TBC1D22A: variants seen among roughly 807,000 people sequenced by gnomAD.
The protein encoded by TBC1D22A is TBC1 domain family member 22A.
Under a neutral mutation model 60.2 loss-of-function variants are expected in TBC1D22A, and 38 were observed. That is an observed-to-expected ratio of 0.63 (90% CI 0.49 to 0.83). The LOEUF (loss-of-function observed/expected upper bound fraction) is 0.83, where lower values mean the gene tolerates loss of function less well. Ranked by LOEUF, TBC1D22A falls within the 40% of genes least tolerant of loss-of-function variation. The probability of loss-of-function intolerance (pLI) is 0.00; values close to 1 mark genes in which losing one functional copy is unlikely to be tolerated. For synonymous variants in TBC1D22A, 302 were observed against 281.7 expected (o/e 1.07, Z -0.72); for missense variants, 628 against 701.0 (o/e 0.90, Z 1.18).
intron 1 of TBC1D22A, among the ~76,000 whole-genome samples, chr22:46,785,888 C>A (rs899595035): frequency 6.6e-6 from 1 of 152,224 alleles, no homozygotes; most frequent in Non-Finnish European, 1.5e-5. Context: ...TCAAGTGATT[C>A]TCCTGCTTCA....
At chr22:46,881,401 C>T (rs554350126) in intron 5 of TBC1D22A, among the ~76,000 whole-genome samples, 37 of 152,314 alleles carry the variant, frequency 2.4e-4, no homozygotes, top group African/African-American at 8.7e-4. Flanking sequence ...CTCTTGCCCC[C>T]TCCAACCCCG....
At chr22:46,861,656 A>G (rs1187151413) in intron 4 of TBC1D22A, among the ~76,000 whole-genome samples, 1 of 152,202 alleles carries the variant, frequency 6.6e-6, no homozygotes, top group Non-Finnish European at 1.5e-5. Flanking sequence ...CGCACCTCCC[A>G]GGAGGGGGAG....
At chr22:46,820,826 G>A (rs924572523) in intron 4 of TBC1D22A, among the ~76,000 whole-genome samples, 2 of 152,164 alleles carry the variant, frequency 1.3e-5, no homozygotes, top group African/African-American at 4.8e-5. Flanking sequence ...ATAGTGGGGT[G>A]TTAAAGTCTC....
intron 4 of TBC1D22A, among the ~76,000 whole-genome samples, chr22:46,833,239 C>T (rs1353310199): frequency 4.6e-5 from 7 of 152,192 alleles, no homozygotes; most frequent in Admixed American, 4.6e-4. Flanking sequence ...ACTAATGTGA[C>T]TTTTAACTTA....
intron 11 of TBC1D22A, 33 bp downstream of exon 11, chr22:47,037,231 G>C: frequency 1.2e-6 from 2 of 1,609,404 alleles, no homozygotes; most frequent in South Asian, 1.1e-5. Flanking sequence ...CGCCATGGGG[G>C]TGCCAGGAGC....
At chr22:46,771,808 T>G (rs2083489460) in intron 1 of TBC1D22A, among the ~76,000 whole-genome samples, 1 of 152,098 alleles carries the variant, frequency 6.6e-6, no homozygotes, top group Admixed American at 6.5e-5. Context: ...TTGGCCAGGC[T>G]GGTCTTGAAC....
chr22:47,044,874 T>C (rs140539), intron 11 of TBC1D22A, among the ~76,000 whole-genome samples: 105,346 of 152,142 alleles, frequency 0.69, 37,066 homozygotes, highest in East Asian at 0.92. Flanking sequence ...GTATCAATCA[T>C]GTTGCTTTTT....
intron 12 of TBC1D22A, among the ~76,000 whole-genome samples, chr22:47,121,949 C>T (rs1472113358): frequency 6.6e-6 from 1 of 152,146 alleles, no homozygotes; most frequent in Non-Finnish European, 1.5e-5. Context: ...GTGTCCCCAC[C>T]GCATCCAGCC....
chr22:47,137,027 C>T (rs1357399885), intron 12 of TBC1D22A, among the ~76,000 whole-genome samples: 2 of 152,092 alleles, frequency 1.3e-5, no homozygotes, highest in Non-Finnish European at 2.9e-5. Flanking sequence ...CTTCACTCGG[C>T]GCGGGCAAAG....
chr22:47,123,468 C>T (rs1247057034), intron 12 of TBC1D22A, among the ~76,000 whole-genome samples: 2 of 152,232 alleles, frequency 1.3e-5, no homozygotes, highest in African/African-American at 4.8e-5. Flanking sequence ...TCCTTTTGGG[C>T]CAGTCCATTG....
At chr22:46,821,775 T>G (rs1328981571) in intron 4 of TBC1D22A, among the ~76,000 whole-genome samples, 4 of 152,126 alleles carry the variant, frequency 2.6e-5, no homozygotes, top group Non-Finnish European at 5.9e-5. Context: ...AATTTACATG[T>G]TGGCCCGTCT....
chr22:46,857,460 A>G (rs1010240472), intron 4 of TBC1D22A, among the ~76,000 whole-genome samples: 3 of 152,160 alleles, frequency 2.0e-5, no homozygotes, highest in Non-Finnish European at 1.5e-5. Flanking sequence ...TGTCCTTAAA[A>G]CATCCTTATT....
chr22:47,060,391 A>G lies in TBC1D22A; in HGVS notation c.1329+23193A>G, dbSNP rs144612250. 4.3e-3 allele frequency among the ~76,000 whole-genome samples: 634 copies of G among 148,980 alleles called. 7 individuals are homozygous for G. Among genetic ancestry groups the G allele is most frequent in the African/African-American group, 0.015 (608 of 40,018 alleles). On this transcript the variant is annotated intron_variant, in intron 11 of 12. Coordinates refer to ENST00000337137, the MANE Select transcript of TBC1D22A (RefSeq NM_014346.5). ...CAAGTAGTTGGGATTACAGGCGCCC[A>G]CCACCATGCCCAGCTAATTCGTTGT...
intron 4 of TBC1D22A, among the ~76,000 whole-genome samples, chr22:46,863,656 T>C (rs2066915691): frequency 6.6e-6 from 1 of 152,152 alleles, no homozygotes; most frequent in Non-Finnish European, 1.5e-5. Flanking sequence ...GTTTTAAAAG[T>C]GTATTGGAAA....
intron 11 of TBC1D22A, among the ~76,000 whole-genome samples, chr22:47,095,900 T>C (rs1182900328): frequency 1.3e-5 from 2 of 152,236 alleles, no homozygotes; most frequent in African/African-American, 2.4e-5. Context: ...AGGGCTGGGC[T>C]GGAGGCTGGC....
chr22:46,789,420 C>T (rs537698531), intron 1 of TBC1D22A: 1 of 448,710 alleles, frequency 2.2e-6, no homozygotes, highest in South Asian at 1.7e-5. Context: ...GTGACATGCT[C>T]TTGTAGGAAT....
intron 9 of TBC1D22A, among the ~76,000 whole-genome samples, chr22:46,994,969 G>T (rs1371819266): frequency 6.6e-6 from 1 of 152,218 alleles, no homozygotes; most frequent in African/African-American, 2.4e-5. Context: ...ATATACGAAA[G>T]CTCACAATTT....
At chr22:46,844,695 C>T (rs1189330434) in intron 4 of TBC1D22A, among the ~76,000 whole-genome samples, 1 of 152,196 alleles carries the variant, frequency 6.6e-6, no homozygotes, top group Non-Finnish European at 1.5e-5. Flanking sequence ...CCCGTGGGGT[C>T]TGGAGCAGTC....
intron 10 of TBC1D22A, among the ~76,000 whole-genome samples, chr22:47,027,189 C>T (rs1413469381): frequency 3.3e-5 from 5 of 152,188 alleles, no homozygotes; most frequent in African/African-American, 1.2e-4. Flanking sequence ...ATAATCGTTA[C>T]ATATGTTGAG....
Sources: gnomAD v4.1 joint callset for allele counts (sites outside exome capture counted in the v4.1 genomes callset) on GRCh38, gnomAD v4.1.1 for gene constraint, MANE v1.5 for transcripts, NCBI Gene and HGNC (gene_info 2026-07-23, HGNC 2026-07-21) for gene names.